CAMKMT: variants seen among roughly 807,000 people sequenced by gnomAD.
CAMKMT encodes the protein calmodulin-lysine N-methyltransferase, also known as CaM KMT.
In CAMKMT, 53 loss-of-function variants were observed where a neutral mutation model predicts 48.0. The observed-to-expected ratio is 1.10, with a 90% confidence interval of 0.89 to 1.39. The LOEUF (loss-of-function observed/expected upper bound fraction) is 1.39. Ranked by LOEUF, CAMKMT falls within the 40% of genes most tolerant of loss-of-function variation. The pLI is 0.00. For missense variants in CAMKMT, 428 were observed against 402.7 expected (o/e 1.06, Z -0.54); for synonymous variants, 165 against 152.3 (o/e 1.08, Z -0.61).
chr2:44,465,576 A>AAC (rs1668070348), intron 3 of CAMKMT, among the ~76,000 whole-genome samples: 1 of 151,912 alleles, frequency 6.6e-6, no homozygotes, highest in Admixed American at 6.6e-5. Flanking sequence ...GTCAAAAAAA[A>AAC]AAAAAAAATC....
intron 3 of CAMKMT, among the ~76,000 whole-genome samples, chr2:44,528,145 C>A (rs1666269393): frequency 6.6e-6 from 1 of 152,064 alleles, no homozygotes; most frequent in Non-Finnish European, 1.5e-5. Flanking sequence ...GAATTTGTCC[C>A]TTTCTTTCTT....
intron 3 of CAMKMT, among the ~76,000 whole-genome samples, chr2:44,659,318 T>A (rs1174709616): frequency 6.6e-6 from 1 of 151,838 alleles, no homozygotes; most frequent in Non-Finnish European, 1.5e-5. Context: ...GCCCAGCTAC[T>A]TGGGAGGCTG....
At chr2:44,594,346 A>G (rs1450522158) in intron 3 of CAMKMT, among the ~76,000 whole-genome samples, 1 of 152,244 alleles carries the variant, frequency 6.6e-6, no homozygotes, top group East Asian at 1.9e-4. Flanking sequence ...AAGAGCCCGT[A>G]TAGCCAAGAC....
chr2:44,396,355 A>T (rs1324219075), intron 3 of CAMKMT, among the ~76,000 whole-genome samples: 1 of 152,182 alleles, frequency 6.6e-6, no homozygotes, highest in African/African-American at 2.4e-5. Context: ...ACATATATTC[A>T]GATGAAGATG....
At chr2:44,395,136 C>T (rs762104827) in intron 3 of CAMKMT, 4 of 359,456 alleles carry the variant, frequency 1.1e-5, no homozygotes, top group African/African-American at 2.1e-5. Context: ...TTTTCTGTTT[C>T]ATTGTTGTTA....
chr2:44,484,419 C>T (rs1011430157), intron 3 of CAMKMT, among the ~76,000 whole-genome samples: 3 of 151,476 alleles, frequency 2.0e-5, no homozygotes, highest in African/African-American at 7.3e-5. Context: ...AAAAATATAC[C>T]CACATATATG....
intron 7 of CAMKMT, among the ~76,000 whole-genome samples, chr2:44,719,974 C>T (rs1353854992): frequency 1.3e-5 from 2 of 152,170 alleles, no homozygotes; most frequent in South Asian, 2.1e-4. Context: ...AGATGCCACA[C>T]TCCTGTTTCC....
intron 3 of CAMKMT, among the ~76,000 whole-genome samples, chr2:44,627,020 T>G (rs1038184522): frequency 3.3e-5 from 5 of 152,206 alleles, no homozygotes; most frequent in African/African-American, 1.2e-4. Flanking sequence ...TTTTGGTGAA[T>G]GTCCTTTATG....
At chr2:44,704,409 G>T in intron 4 of CAMKMT, 66 bp downstream of exon 4, 1 of 1,058,096 alleles carries the variant, frequency 9.5e-7, no homozygotes. Context: ...ATTAAAAATT[G>T]CCATGATTAT....
chr2:44,602,414 A>T (rs1671049331), intron 3 of CAMKMT, among the ~76,000 whole-genome samples: 1 of 152,118 alleles, frequency 6.6e-6, no homozygotes, highest in African/African-American at 2.4e-5. Flanking sequence ...CATTTTTATT[A>T]AGAGAACAAC....
At position 44,657,945 on chromosome 2, in the gene CAMKMT, A is replaced by T. The variant is rs1289454961; in HGVS notation, c.377-46338A>T. Among the ~76,000 whole-genome samples, 1 of 152,188 alleles carries T rather than the reference A, an allele frequency of 6.6e-6. No homozygotes were observed. The highest frequency in any genetic ancestry group is 1.5e-5 in the Non-Finnish European group (1 of 68,036). ...TCCTCCATACTCTGTTTTTATATAA[A>T]ATAATGGTATCTCTCTCCTCAAATT... is the stretch of plus-strand genomic sequence containing the variant. On this transcript the variant is annotated intron_variant, in intron 3 of 10. Transcript: ENST00000378494. The surrounding 1 kb of genome is among the most constrained non-coding windows in gnomAD (Gnocchi z 4.3).
chr2:44,635,741 G>T (rs887515593), intron 3 of CAMKMT, among the ~76,000 whole-genome samples: 1 of 152,214 alleles, frequency 6.6e-6, no homozygotes. Flanking sequence ...GGGTTTTGTA[G>T]CTGGGGGTGC....
chr2:44,515,824 C>A (rs184071628), intron 3 of CAMKMT, among the ~76,000 whole-genome samples: 91 of 152,172 alleles, frequency 6.0e-4, no homozygotes, highest in Admixed American at 1.4e-3. Context: ...GTAAAGATGC[C>A]AGCTTTAGTC....
chr2:44,629,678 C>G (rs1174843944), intron 3 of CAMKMT, among the ~76,000 whole-genome samples: 2 of 152,050 alleles, frequency 1.3e-5, no homozygotes, highest in African/African-American at 4.8e-5. Context: ...CCTAGGAATC[C>G]ACCTTACAAT....
intron 3 of CAMKMT, among the ~76,000 whole-genome samples, chr2:44,427,917 A>G (rs562929663): frequency 3.9e-5 from 6 of 152,170 alleles, no homozygotes; most frequent in African/African-American, 1.4e-4. Context: ...TGGGAAAGGG[A>G]GCATACAGGT....
At chr2:44,615,745 A>T (rs992836025) in intron 3 of CAMKMT, among the ~76,000 whole-genome samples, 2 of 152,150 alleles carry the variant, frequency 1.3e-5, no homozygotes, top group East Asian at 3.8e-4. Flanking sequence ...TTTAAGTAAC[A>T]ATAGGATCTC....
At chr2:44,517,357 C>A (rs1670884215) in intron 3 of CAMKMT, among the ~76,000 whole-genome samples, 1 of 152,076 alleles carries the variant, frequency 6.6e-6, no homozygotes, top group South Asian at 2.1e-4. Flanking sequence ...AGAATTAATG[C>A]AATATGTTAG....
chr2:44,705,321 A>C (rs1266543920), intron 4 of CAMKMT: 1 of 985,022 alleles, frequency 1.0e-6, no homozygotes, highest in Non-Finnish European at 1.2e-6. Flanking sequence ...TCTTGAGGTA[A>C]TAAACTTCCC....
At chr2:44,586,581 TTCAC>T (rs1238030554) in intron 3 of CAMKMT, among the ~76,000 whole-genome samples, 12 of 152,308 alleles carry the variant, frequency 7.9e-5, no homozygotes, top group African/African-American at 2.6e-4. Context: ...TGAGCATGCT[TTCAC>T]TCAGCATAAT....
Sources: gnomAD v4.1 joint callset for allele counts (sites outside exome capture counted in the v4.1 genomes callset) on GRCh38, gnomAD v4.1.1 for gene constraint, Gnocchi (gnomAD v3.1) non-coding constraint, MANE v1.5 for transcripts, NCBI Gene and HGNC (gene_info 2026-07-23, HGNC 2026-07-21) for gene names.